ZMYM2: variants seen among roughly 807,000 people sequenced by gnomAD.
ZMYM2 encodes the protein zinc finger MYM-type containing 2.
ZMYM2 carries 56 observed loss-of-function variants against 162.8 expected under a neutral mutation model. The ratio of observed to expected loss-of-function variants is 0.34; its 90% CI spans 0.28 to 0.43. The LOEUF (loss-of-function observed/expected upper bound fraction) is 0.43. ZMYM2 is among the 20% of genes least tolerant of loss of function. The pLI, the probability that ZMYM2 is intolerant of heterozygous loss-of-function variation, is 1.00. For synonymous variants in ZMYM2, 510 were observed against 541.6 expected (o/e 0.94, Z 0.81); for missense variants, 1,275 against 1,621.8 (o/e 0.79, Z 3.67).
intron 12 of ZMYM2, among the ~76,000 whole-genome samples, chr13:20,045,478 C>T (rs1205117539): frequency 2.0e-5 from 3 of 152,224 alleles, no homozygotes; most frequent in East Asian, 1.9e-4. Flanking sequence ...CACTCTAAAA[C>T]GTGTTTATTT....
At chr13:20,009,005 G>A (rs1363103315) in intron 6 of ZMYM2, among the ~76,000 whole-genome samples, 1 of 151,780 alleles carries the variant, frequency 6.6e-6, no homozygotes, top group African/African-American at 2.4e-5. Flanking sequence ...CAAAAACCAG[G>A]GAAAAAATAC....
At chr13:20,074,906 A>C (rs1456708449) in intron 21 of ZMYM2, among the ~76,000 whole-genome samples, 2 of 152,232 alleles carry the variant, frequency 1.3e-5, no homozygotes, top group Non-Finnish European at 2.9e-5. Context: ...TTTTACTACT[A>C]AACTGCACAT....
At chr13:19,880,894 T>G in the ZMYM2 span, among the ~76,000 whole-genome samples, 16,055 of 151,570 alleles carry the variant, frequency 0.11, 963 homozygotes, top group Middle Eastern at 0.14. Context: ...TTGTTTTGTT[T>G]TTTGTTTTTT....
chr13:19,886,868 C>A, the ZMYM2 span, among the ~76,000 whole-genome samples: 1 of 151,438 alleles, frequency 6.6e-6, no homozygotes, highest in Non-Finnish European at 1.5e-5. Flanking sequence ...ACTGTGTTGA[C>A]CATGGCTGGT....
At chr13:19,949,353 G>T in the ZMYM2 span, among the ~76,000 whole-genome samples, 502 of 152,316 alleles carry the variant, frequency 3.3e-3, 6 homozygotes, top group African/African-American at 0.012. Context: ...GGTGGAGGTT[G>T]CTGTGAGCCG....
At chr13:20,058,946 A>G (rs773118789) in intron 15 of ZMYM2, 5 of 596,228 alleles carry the variant, frequency 8.4e-6, no homozygotes, top group African/African-American at 1.9e-5. Flanking sequence ...AAAAAATACT[A>G]TCTCGAAAAT....
At chr13:19,981,255 A>AG (rs763030349) in intron 2 of ZMYM2, among the ~76,000 whole-genome samples, 3 of 152,062 alleles carry the variant, frequency 2.0e-5, no homozygotes, top group Non-Finnish European at 4.4e-5. Flanking sequence ...CTAGGTTGCC[A>AG]GTGAGACCCT....
At chr13:20,014,768 T>G (rs1951477338) in intron 6 of ZMYM2, among the ~76,000 whole-genome samples, 1 of 146,386 alleles carries the variant, frequency 6.8e-6, no homozygotes, top group African/African-American at 2.5e-5. Context: ...TTAGGTTTTT[T>G]TTTTTTTTTT....
At chr13:19,873,380 TTTTATTTATTTA>T in the ZMYM2 span, among the ~76,000 whole-genome samples, 122 of 136,950 alleles carry the variant, frequency 8.9e-4, no homozygotes, top group African/African-American at 2.7e-3. Context: ...ACAGAGTCAA[TTTTATTTATTTA>T]TTTATTTATT....
chr13:19,926,540 T>C, the ZMYM2 span, among the ~76,000 whole-genome samples: 1 of 151,598 alleles, frequency 6.6e-6, no homozygotes, highest in African/African-American at 2.4e-5. Flanking sequence ...ATTTTTGCAT[T>C]TTTAGTAGAG....
At chr13:19,997,309 C>T (rs918238085) in intron 3 of ZMYM2, among the ~76,000 whole-genome samples, 1 of 152,140 alleles carries the variant, frequency 6.6e-6, no homozygotes, top group Non-Finnish European at 1.5e-5. Flanking sequence ...TATTTGTTCA[C>T]ATTCCTGATT....
At chr13:19,989,267 A>C (rs186997974) in intron 2 of ZMYM2, among the ~76,000 whole-genome samples, 1 of 152,146 alleles carries the variant, frequency 6.6e-6, no homozygotes. Context: ...TTGTGGGTAC[A>C]CTGTAGGTGT....
At chr13:19,912,850 A>C in the ZMYM2 span, among the ~76,000 whole-genome samples, 2 of 152,192 alleles carry the variant, frequency 1.3e-5, no homozygotes, top group Non-Finnish European at 1.5e-5. Context: ...GGGTATGTGG[A>C]GATATCTCTT....
chr13:19,974,799 G>T (rs1388485996), intron 2 of ZMYM2, among the ~76,000 whole-genome samples: 1 of 152,098 alleles, frequency 6.6e-6, no homozygotes, highest in Non-Finnish European at 1.5e-5. Flanking sequence ...TAATATATCT[G>T]TTGGATGGAT....
intron 14 of ZMYM2, 65 bp from the exon 15 acceptor site, chr13:20,058,510 T>G: frequency 6.5e-7 from 1 of 1,541,732 alleles, no homozygotes; most frequent in East Asian, 2.3e-5. Flanking sequence ...AAATCCTTCA[T>G]TGACACTAGG....
chr13:19,864,238 C>T, the ZMYM2 span: 1 of 154,814 alleles, frequency 6.5e-6, no homozygotes, highest in Non-Finnish European at 1.5e-5. Flanking sequence ...GCGCTGCGGT[C>T]AGTGGAGGCC....
the ZMYM2 span, among the ~76,000 whole-genome samples, chr13:19,888,170 C>T: frequency 7.9e-5 from 12 of 151,296 alleles, no homozygotes; most frequent in African/African-American, 2.9e-4. Flanking sequence ...TGCTCCATCG[C>T]GCCTGGCTAA....
intron 2 of ZMYM2, among the ~76,000 whole-genome samples, chr13:19,976,039 A>G (rs1404862731): frequency 1.3e-5 from 2 of 152,064 alleles, no homozygotes; most frequent in Admixed American, 6.6e-5. Flanking sequence ...TTTTTAGAAA[A>G]ACAGCAATCC....
chr13:20,064,374 GGTTA>G, intron 18 of ZMYM2, 73 bp from the exon 19 acceptor site: 2 of 1,261,952 alleles, frequency 1.6e-6, no homozygotes. Flanking sequence ...TACATCCTGT[GGTTA>G]GTTCTTTGTT....
Sources: allele counts gnomAD v4.1 joint callset (sites outside exome capture counted in the v4.1 genomes callset), GRCh38; gene constraint gnomAD v4.1.1; transcripts MANE v1.5; gene names NCBI Gene and HGNC (gene_info 2026-07-23, HGNC 2026-07-21).